The following GTF2IRD2 variants were observed in gnomAD, a reference collection of about 807,000 sequenced individuals.
The protein encoded by GTF2IRD2 is GTF2I repeat domain containing 2.
Under a neutral mutation model 49.2 loss-of-function variants are expected in GTF2IRD2, and 8 were observed. That is an observed-to-expected ratio of 0.16 (90% CI 0.10 to 0.29). GTF2IRD2 has a LOEUF of 0.29. Ranked by LOEUF, GTF2IRD2 falls within the 10% of genes least tolerant of loss-of-function variation. The probability of loss-of-function intolerance (pLI) is 1.00; values close to 1 mark genes in which losing one functional copy is unlikely to be tolerated. For synonymous variants in GTF2IRD2, 47 were observed against 289.7 expected, an observed-to-expected ratio of 0.16 and a Z score of 8.51; for missense variants, 130 against 725.7, an observed-to-expected ratio of 0.18 and a Z score of 9.43.
intron 15 of GTF2IRD2, among the ~76,000 whole-genome samples, chr7:74,799,851 G>A (rs1222303497): frequency 8.0e-5 from 9 of 111,950 alleles, no homozygotes; most frequent in Admixed American, 3.2e-4. Flanking sequence ...TTGGGAGGCT[G>A]AGGCAGGAGG....
rs1343595834 is a variant in GTF2IRD2, at chr7:74,799,664, A to ACTCATTCGG, written c.1247-1400_1247-1399insCCGAATGAG. 10 of 356,616 alleles carry ACTCATTCGG rather than the reference A, an allele frequency of 2.8e-5. No homozygotes were observed. In the East Asian group the frequency reaches 6.7e-4, roughly 24 times the overall value. 22.1% of individuals were successfully genotyped at this position (356,616 alleles called of 1,614,324 possible). ...AAATGACAAGGGTGACGGCCACAGA[A>ACTCATTCGG]CCACACAAAACTCATTCGTATAAGT... On this transcript the variant is annotated intron_variant, in intron 15 of 15. Transcript: ENST00000451013.
intron 3 of GTF2IRD2, among the ~76,000 whole-genome samples, chr7:74,831,317 T>TAA (rs1316358254): frequency 3.3e-4 from 50 of 150,900 alleles, no homozygotes; most frequent in African/African-American, 1.2e-3. Context: ...TATATATATA[T>TAA]AATTCCTCTC....
In GTF2IRD2 at chr7:74,833,237, G is replaced by GTT. The variant is rs1444227555; in HGVS notation, c.100-295_100-294insAA. On this transcript the variant is annotated intron_variant, in intron 2 of 15. Transcript: ENST00000451013. ...CTGGCTAATTTGTGTGTGTGTGTGT[G>GTT]TGTGTGTGTGTGTGTGTGTATTTTT... Among the ~76,000 whole-genome samples, 3 of 124,994 alleles carry GTT rather than the reference G, an allele frequency of 2.4e-5. 1 individual carries two copies. The East Asian group carries it at 9.3e-4, about 39-fold the overall frequency. The allele number at this position is 124,994 out of a possible 152,430, so 82.0% of individuals were successfully genotyped here. A position where few individuals can be genotyped will look rare whatever the true frequency, so the allele number is the denominator to read the frequency against.
intron 6 of GTF2IRD2, chr7:74,822,047 T>G: frequency 5.8e-6 from 2 of 344,622 alleles, no homozygotes; most frequent in Non-Finnish European, 1.1e-5. Context: ...CAAATTCAAG[T>G]TTTGTTTTTT....
intron 9 of GTF2IRD2, 71 bp downstream of exon 9, chr7:74,812,668 G>T (rs1472499817): frequency 2.4e-5 from 5 of 209,644 alleles, no homozygotes; most frequent in Non-Finnish European, 4.8e-5. Context: ...CAGTTTTTCA[G>T]ACAGGTAGTA....
intron 3 of GTF2IRD2, among the ~76,000 whole-genome samples, chr7:74,831,173 A>C (rs1223878153): frequency 1.3e-5 from 2 of 150,914 alleles, no homozygotes; most frequent in South Asian, 2.1e-4. Flanking sequence ...ATTTGAATCA[A>C]TCTATCACTC....
At chr7:74,819,092 T>C (rs1798712431) in intron 8 of GTF2IRD2, 1 of 199,858 alleles carries the variant, frequency 5.0e-6, no homozygotes, top group African/African-American at 2.4e-5. Flanking sequence ...GCCCAGCTAA[T>C]TTTTTGTATT....
chr7:74,821,959 G>T lies in GTF2IRD2; in HGVS notation c.571+468C>A, dbSNP rs1213425870. On this transcript the variant is annotated intron_variant, in intron 6 of 15. Coordinates refer to ENST00000451013, the MANE Select transcript of GTF2IRD2 (RefSeq NM_173537.5). Reference sequence around the variant, plus strand: ...GGGGATACATCTGCAGAATGTGCAGGTTTGTTTCCTAGGCACATGTGTGCC... The same window carrying T: ...GGGGATACATCTGCAGAATGTGCAGTTTTGTTTCCTAGGCACATGTGTGCC... 72 of 228,534 alleles carry T rather than the reference G, an allele frequency of 3.2e-4. 3 individuals are homozygous for T. Among genetic ancestry groups the T allele is most frequent in the African/African-American group, 9.0e-4 (37 of 40,948 alleles). The allele number at this position is 228,534 out of a possible 1,614,324, so 14.2% of individuals were successfully genotyped here.
At chr7:74,826,947 A>G (rs1799455826) in intron 3 of GTF2IRD2, among the ~76,000 whole-genome samples, 1 of 151,758 alleles carries the variant, frequency 6.6e-6, no homozygotes, top group Non-Finnish European at 1.5e-5. Context: ...ACTGATCTCA[A>G]GTGATCCATC....
intron 4 of GTF2IRD2, 24 bp from the exon 5 acceptor site, chr7:74,822,831 T>C (rs1344176166): frequency 6.5e-7 from 1 of 1,549,362 alleles, no homozygotes; most frequent in Non-Finnish European, 8.7e-7. Context: ...CAAACGTCTT[T>C]GGATGGTGTG....
chr7:74,836,191 A>T, intron 2 of GTF2IRD2, 89 bp downstream of exon 2: 1 of 1,519,174 alleles, frequency 6.6e-7, no homozygotes, highest in Non-Finnish European at 8.9e-7. Context: ...AAAGAAAAAA[A>T]ACAAAAGGGA....
chr7:74,830,231 G>A (rs1356587664), intron 3 of GTF2IRD2, among the ~76,000 whole-genome samples: 2 of 97,592 alleles, frequency 2.0e-5, no homozygotes, highest in African/African-American at 6.2e-5. Context: ...AGCTGGGCAC[G>A]ATGACTCACG....
intron 3 of GTF2IRD2, among the ~76,000 whole-genome samples, chr7:74,825,290 G>A (rs1286265337): frequency 8.5e-6 from 1 of 117,084 alleles, no homozygotes; most frequent in African/African-American, 3.4e-5. Context: ...TAGAGACAGG[G>A]TTTCACTCTG....
chr7:74,829,396 CAAAAAA>C (rs71288130), intron 3 of GTF2IRD2, among the ~76,000 whole-genome samples: 1 of 20,358 alleles, frequency 4.9e-5, no homozygotes, highest in Non-Finnish European at 8.4e-5. Flanking sequence ...CTCTGTCTCT[CAAAAAA>C]AAAAAAAAAA....
chr7:74,838,533 GC>G (rs1350110193), intron 1 of GTF2IRD2, among the ~76,000 whole-genome samples: 1 of 68,096 alleles, frequency 1.5e-5, no homozygotes, highest in Non-Finnish European at 2.4e-5. Flanking sequence ...CTCCCGTGTA[GC>G]CCCAGCTATG....
At position 74,829,886 on chromosome 7, in the gene GTF2IRD2, T is replaced by TCAAAAAAACAA. The variant is rs1304516621; in HGVS notation, c.238+2918_238+2919insTTGTTTTTTTG. ...CTGGGCGATAGAGCGAGATTCTGTC[T>TCAAAAAAACAA]CAAAAAAAAAAAAAAATTCATATGG... On this transcript the variant is annotated intron_variant, in intron 3 of 15. Transcript: ENST00000451013. 2.7e-4 allele frequency among the ~76,000 whole-genome samples: 5 copies of TCAAAAAAACAA among 18,230 alleles called. 1 individual carries two copies. Among genetic ancestry groups the TCAAAAAAACAA allele is most frequent in the African/African-American group, 2.3e-3 (5 of 2,210 alleles). The allele number at this position is 18,230 out of a possible 152,430, so 12.0% of individuals were successfully genotyped here.
chr7:74,826,073 C>T (rs373539005), intron 3 of GTF2IRD2, among the ~76,000 whole-genome samples: 42 of 151,874 alleles, frequency 2.8e-4, no homozygotes, highest in East Asian at 1.4e-3. Context: ...GCGTGAGCCA[C>T]CACACCCCGC....
chr7:74,809,772 A>G (rs1798006756), intron 10 of GTF2IRD2, among the ~76,000 whole-genome samples: 1 of 134,084 alleles, frequency 7.5e-6, no homozygotes, highest in Admixed American at 7.8e-5. Flanking sequence ...TAGGTTTGGA[A>G]AGGAAATCTT....
chr7:74,827,041 C>T (rs1418745201), intron 3 of GTF2IRD2, among the ~76,000 whole-genome samples: 5 of 151,408 alleles, frequency 3.3e-5, no homozygotes, highest in South Asian at 2.1e-4. Flanking sequence ...TGAATAGTAT[C>T]CCATAGTGTA....
Sources: allele counts gnomAD v4.1 joint callset (sites outside exome capture counted in the v4.1 genomes callset), GRCh38; gene constraint gnomAD v4.1.1; transcripts MANE v1.5; gene names NCBI Gene and HGNC (gene_info 2026-07-23, HGNC 2026-07-21).